Variants in SPON1 observed in about 807,000 individuals in gnomAD.
SPON1 encodes the protein spondin-1.
Under a neutral mutation model 111.7 loss-of-function variants are expected in SPON1, and 52 were observed. That is an observed-to-expected ratio of 0.47 (90% CI 0.37 to 0.59). SPON1 has a LOEUF of 0.59. Ranked by LOEUF, SPON1 falls within the 20% of genes least tolerant of loss-of-function variation. The probability of loss-of-function intolerance (pLI) is 0.00; values close to 1 mark genes in which losing one functional copy is unlikely to be tolerated. For missense variants in SPON1, 957 were observed against 1,068.5 expected (o/e 0.90, Z 1.46); for synonymous variants, 410 against 395.8 (o/e 1.04, Z -0.43).
chr11:13,991,161 A>C (rs1446152740), intron 2 of SPON1, among the ~76,000 whole-genome samples: 1 of 152,162 alleles, frequency 6.6e-6, no homozygotes, highest in Non-Finnish European at 1.5e-5. Flanking sequence ...AATATCCTGA[A>C]AAGTGTTTTC....
intron 3 of SPON1, among the ~76,000 whole-genome samples, chr11:14,064,695 G>A (rs998191606): frequency 1.3e-5 from 2 of 152,172 alleles, no homozygotes; most frequent in African/African-American, 4.8e-5. Flanking sequence ...TGGTGCCATC[G>A]TTGCTAACAA....
chr11:14,093,450 C>T (rs1410955649), intron 5 of SPON1, among the ~76,000 whole-genome samples: 1 of 152,214 alleles, frequency 6.6e-6, no homozygotes, highest in South Asian at 2.1e-4. Context: ...ACAATGTAAG[C>T]TGCATAGCTT....
chr11:13,968,009 T>C (rs1193044919), intron 1 of SPON1, among the ~76,000 whole-genome samples: 3 of 152,232 alleles, frequency 2.0e-5, no homozygotes, highest in African/African-American at 7.2e-5. Flanking sequence ...ACAGATAAGC[T>C]GTTTCATTAC....
intron 6 of SPON1, among the ~76,000 whole-genome samples, chr11:14,165,743 T>G (rs1848022057): frequency 6.6e-6 from 1 of 152,180 alleles, no homozygotes. Context: ...CTGTCTCCAG[T>G]CCCCATTTTT....
At chr11:14,014,943 C>G (rs1239528391) in intron 2 of SPON1, among the ~76,000 whole-genome samples, 1 of 152,134 alleles carries the variant, frequency 6.6e-6, no homozygotes, top group Non-Finnish European at 1.5e-5. Context: ...TACCCTTCTT[C>G]TATTGTAAAC....
intron 2 of SPON1, among the ~76,000 whole-genome samples, chr11:14,023,172 A>T (rs762309972): frequency 7.2e-5 from 11 of 152,200 alleles, no homozygotes; most frequent in Non-Finnish European, 1.5e-4. Flanking sequence ...GCAAGCTGGC[A>T]TTATAAAGTT....
intron 3 of SPON1, among the ~76,000 whole-genome samples, chr11:14,052,268 C>T (rs782400517): frequency 5.3e-5 from 8 of 152,224 alleles, no homozygotes; most frequent in Non-Finnish European, 1.0e-4. Context: ...TTAGCTAGCA[C>T]TCATAATACT....
chr11:14,009,707 G>A (rs1848389812), intron 2 of SPON1, among the ~76,000 whole-genome samples: 1 of 152,164 alleles, frequency 6.6e-6, no homozygotes, highest in African/African-American at 2.4e-5. Context: ...TCTGGAGGCT[G>A]AGCAGTCCAA....
chr11:14,238,187 T>A (rs1386772728), intron 6 of SPON1, among the ~76,000 whole-genome samples: 1 of 152,216 alleles, frequency 6.6e-6, no homozygotes, highest in Non-Finnish European at 1.5e-5. Flanking sequence ...TGTTTCCACC[T>A]GTTTCTATTC....
At chr11:14,242,194 T>C (rs1554939757) in intron 6 of SPON1, among the ~76,000 whole-genome samples, 3 of 152,176 alleles carry the variant, frequency 2.0e-5, no homozygotes, top group Non-Finnish European at 4.4e-5. Flanking sequence ...TCAGTTTCCA[T>C]GGGGCTGTGG....
At chr11:14,036,330 A>G (rs1848593863) in intron 2 of SPON1, among the ~76,000 whole-genome samples, 2 of 152,230 alleles carry the variant, frequency 1.3e-5, no homozygotes, top group African/African-American at 4.8e-5. Flanking sequence ...GAAATGATGT[A>G]GCTTAGTCCA....
chr11:14,048,055 C>T (rs939471553), intron 3 of SPON1, among the ~76,000 whole-genome samples: 4 of 152,100 alleles, frequency 2.6e-5, no homozygotes, highest in African/African-American at 7.2e-5. Context: ...GCCTGGCCAA[C>T]ATGGTGAAAC....
intron 2 of SPON1, among the ~76,000 whole-genome samples, chr11:14,028,622 A>C (rs1848536262): frequency 6.6e-6 from 1 of 152,172 alleles, no homozygotes; most frequent in Non-Finnish European, 1.5e-5. Context: ...ACTAGGCTCT[A>C]GGCACTCAAG....
chr11:14,168,734 G>A (rs1157249012), intron 6 of SPON1, among the ~76,000 whole-genome samples: 3 of 143,432 alleles, frequency 2.1e-5, no homozygotes, highest in African/African-American at 5.2e-5. Flanking sequence ...TCCCACCTAT[G>A]AGTGAGAACA....
intron 3 of SPON1, among the ~76,000 whole-genome samples, chr11:14,043,754 CT>C (rs1848648612): frequency 6.6e-6 from 1 of 152,174 alleles, no homozygotes; most frequent in South Asian, 2.1e-4. Flanking sequence ...AGCATTAGAT[CT>C]TTTTGGTGGA....
intron 14 of SPON1, among the ~76,000 whole-genome samples, chr11:14,261,642 G>A (rs1244059224): frequency 2.0e-5 from 3 of 152,174 alleles, no homozygotes; most frequent in Non-Finnish European, 4.4e-5. Context: ...CATGGGTGGA[G>A]GTAACTTGGA....
intron 6 of SPON1, among the ~76,000 whole-genome samples, chr11:14,192,246 G>GATATATATATATATAT (rs35202633): frequency 6.9e-5 from 10 of 144,224 alleles, no homozygotes; most frequent in African/African-American, 2.3e-4. Context: ...TATCATTAGG[G>GATATATATATATATAT]ATATATATAT....
At chr11:14,174,453 G>A (rs1230343452) in intron 6 of SPON1, among the ~76,000 whole-genome samples, 1 of 152,142 alleles carries the variant, frequency 6.6e-6, no homozygotes, top group Non-Finnish European at 1.5e-5. Context: ...AAAACCTTCA[G>A]ATAACACAAT....
intron 6 of SPON1, among the ~76,000 whole-genome samples, chr11:14,194,354 C>T (rs1848378424): frequency 6.6e-6 from 1 of 152,138 alleles, no homozygotes; most frequent in Non-Finnish European, 1.5e-5. Flanking sequence ...GCTCCCTAAA[C>T]AGCAAATACA....
Sources: gnomAD v4.1 joint callset for allele counts (sites outside exome capture counted in the v4.1 genomes callset) on GRCh38, gnomAD v4.1.1 for gene constraint, MANE v1.5 for transcripts, NCBI Gene and HGNC (gene_info 2026-07-23, HGNC 2026-07-21) for gene names.